NDUFS4: variants seen among roughly 807,000 people sequenced by gnomAD.
NDUFS4 encodes NADH dehydrogenase [ubiquinone] iron-sulfur protein 4, mitochondrial.
NDUFS4 carries 28 observed loss-of-function variants against 24.3 expected under a neutral mutation model. The ratio of observed to expected loss-of-function variants is 1.15; its 90% CI spans 0.85 to 1.58. The LOEUF (loss-of-function observed/expected upper bound fraction) is 1.58, where lower values mean the gene tolerates loss of function less well. Among genes scored for constraint, NDUFS4 ranks in the 40% most tolerant of loss-of-function variants. NDUFS4 has a pLI of 0.00. For synonymous variants in NDUFS4, 93 were observed against 69.7 expected, an observed-to-expected ratio of 1.34 and a Z score of -1.67; for missense variants, 223 against 207.9, an observed-to-expected ratio of 1.07 and a Z score of -0.45.
rs567012921 is a variant in NDUFS4, at chr5:53,646,009, C to G, written c.178-224C>G. Among the ~76,000 whole-genome samples, 3 of 152,178 alleles carry G rather than the reference C, an allele frequency of 2.0e-5. No individual in the cohort carries two copies. The South Asian group carries it at 6.2e-4, about 32-fold the overall frequency. ...AAGGGCGTAAATTTTTTTTACGATCCTTTTCCACTGTCTCCACTACGTCCC... is the reference window on the plus strand; with the variant it reads ...AAGGGCGTAAATTTTTTTTACGATCGTTTTCCACTGTCTCCACTACGTCCC... On this transcript the variant is annotated intron_variant, in intron 2 of 4. Coordinates refer to ENST00000296684, the MANE Select transcript of NDUFS4 (RefSeq NM_002495.4).
At chr5:53,587,127 T>TTA (rs1367695016) in intron 1 of NDUFS4, among the ~76,000 whole-genome samples, 25 of 151,724 alleles carry the variant, frequency 1.6e-4, no homozygotes, top group Admixed American at 5.9e-4. Context: ...CCCGGCCGAG[T>TTA]TATATATATA....
chr5:53,660,010 TTTTTA>T (rs1379468469), intron 4 of NDUFS4, among the ~76,000 whole-genome samples: 1 of 152,054 alleles, frequency 6.6e-6, no homozygotes, highest in African/African-American at 2.4e-5. Flanking sequence ...ATAGACTTTT[TTTTTA>T]TTTAAGTTTT....
chr5:53,578,113 C>T (rs777832873), intron 1 of NDUFS4, among the ~76,000 whole-genome samples: 2 of 152,148 alleles, frequency 1.3e-5, no homozygotes, highest in Non-Finnish European at 2.9e-5. Context: ...CATTTTAGTT[C>T]ATAGTTCGTA....
At chr5:53,616,950 T>C (rs1344646391) in intron 2 of NDUFS4, among the ~76,000 whole-genome samples, 1 of 152,164 alleles carries the variant, frequency 6.6e-6, no homozygotes, top group African/African-American at 2.4e-5. Context: ...TATTAAAGAA[T>C]CTTCTGAATT....
intron 3 of NDUFS4, among the ~76,000 whole-genome samples, chr5:53,653,177 A>G (rs1752067273): frequency 1.3e-5 from 2 of 152,132 alleles, no homozygotes; most frequent in African/African-American, 4.8e-5. Flanking sequence ...TTGTTAGAAA[A>G]TTATGAATCT....
rs1015137528 is a variant in NDUFS4 at position 53,631,076 on chromosome 5, C to T, written c.178-15157C>T. Among the ~76,000 whole-genome samples, 8 of 152,054 alleles carry T rather than the reference C, an allele frequency of 5.3e-5. No homozygotes were observed. In the South Asian group the frequency reaches 6.2e-4, roughly 12 times the overall value. On this transcript the variant is annotated intron_variant, in intron 2 of 4. Transcript: ENST00000296684. ...ATGGATGGGGTTTTGGTGTGGATGT[C>T]GTTTTTGTTGATGTTGATGGTATTC...
At chr5:53,561,822 G>C (rs1474511225) in intron 1 of NDUFS4, among the ~76,000 whole-genome samples, 1 of 152,080 alleles carries the variant, frequency 6.6e-6, no homozygotes, top group African/African-American at 2.4e-5. Context: ...AGTGGGTGTT[G>C]GGTGGGAAAG....
chr5:53,578,779 G>A (rs1159760776), intron 1 of NDUFS4, among the ~76,000 whole-genome samples: 1 of 151,586 alleles, frequency 6.6e-6, no homozygotes, highest in Non-Finnish European at 1.5e-5. Context: ...TTTCCTTTTT[G>A]CTTCTTTCTC....
intron 2 of NDUFS4, among the ~76,000 whole-genome samples, chr5:53,645,115 G>A (rs1751821518): frequency 1.3e-5 from 2 of 152,018 alleles, no homozygotes; most frequent in South Asian, 4.1e-4. Flanking sequence ...CACAAATTTG[G>A]TATAATCATT....
intron 2 of NDUFS4, among the ~76,000 whole-genome samples, chr5:53,609,954 C>T (rs190987605): frequency 6.6e-6 from 1 of 152,278 alleles, no homozygotes; most frequent in Admixed American, 6.5e-5. Flanking sequence ...TCCACTGAAA[C>T]TTTCTCCAGT....
At chr5:53,622,826 T>A (rs1359940205) in intron 2 of NDUFS4, among the ~76,000 whole-genome samples, 1 of 152,204 alleles carries the variant, frequency 6.6e-6, no homozygotes, top group East Asian at 1.9e-4. Context: ...TCACCACTAT[T>A]TCCGGAGCTT....
intron 3 of NDUFS4, among the ~76,000 whole-genome samples, chr5:53,652,508 A>G (rs1443844464): frequency 6.6e-6 from 1 of 152,132 alleles, no homozygotes; most frequent in Admixed American, 6.5e-5. Context: ...GGGCTTCATG[A>G]CTGTAAACAT....
At chr5:53,570,468 C>G (rs1229067379) in intron 1 of NDUFS4, among the ~76,000 whole-genome samples, 1 of 152,072 alleles carries the variant, frequency 6.6e-6, no homozygotes, top group Non-Finnish European at 1.5e-5. Flanking sequence ...GTAAATAGAG[C>G]TTCTGTACAG....
At chr5:53,616,350 C>T (rs1750839181) in intron 2 of NDUFS4, among the ~76,000 whole-genome samples, 1 of 151,656 alleles carries the variant, frequency 6.6e-6, no homozygotes, top group Admixed American at 6.6e-5. Context: ...TGGTATTTTT[C>T]ATAGATTATG....
intron 1 of NDUFS4, among the ~76,000 whole-genome samples, chr5:53,591,507 A>T: frequency 7.1e-6 from 1 of 141,006 alleles, no homozygotes. Flanking sequence ...ATGAAGTGGT[A>T]TCTTATGGTT....
At chr5:53,595,620 C>T (rs1421502568) in intron 1 of NDUFS4, among the ~76,000 whole-genome samples, 5 of 152,034 alleles carry the variant, frequency 3.3e-5, no homozygotes, top group African/African-American at 1.2e-4. Context: ...TTACATTTTC[C>T]GTCACACCCT....
intron 4 of NDUFS4, among the ~76,000 whole-genome samples, chr5:53,673,473 C>A (rs1740352081): frequency 6.6e-6 from 1 of 152,052 alleles, no homozygotes; most frequent in East Asian, 1.9e-4. Flanking sequence ...GATATAGAAT[C>A]ATAGGTACCT....
intron 1 of NDUFS4, among the ~76,000 whole-genome samples, chr5:53,584,226 A>G (rs1045672866): frequency 3.3e-5 from 5 of 152,256 alleles, no homozygotes; most frequent in African/African-American, 4.8e-5. Flanking sequence ...CTTGAAAGCA[A>G]GTTATTATTG....
At chr5:53,637,731 C>G (rs1367004914) in intron 2 of NDUFS4, among the ~76,000 whole-genome samples, 1 of 152,040 alleles carries the variant, frequency 6.6e-6, no homozygotes, top group African/African-American at 2.4e-5. Flanking sequence ...TCATGTAATT[C>G]TTGTTCTGCT....
Sources: gnomAD v4.1 joint callset for allele counts (sites outside exome capture counted in the v4.1 genomes callset) on GRCh38, gnomAD v4.1.1 for gene constraint, MANE v1.5 for transcripts, NCBI Gene and HGNC (gene_info 2026-07-23, HGNC 2026-07-21) for gene names.